The following NDUFAF7 variants were observed in gnomAD, a reference collection of about 807,000 sequenced individuals.
NDUFAF7 encodes the protein NADH:ubiquinone oxidoreductase complex assembly factor 7, also known as protein arginine methyltransferase NDUFAF7, mitochondrial.
In NDUFAF7, 48 loss-of-function variants were observed where a neutral mutation model predicts 47.2. The observed-to-expected ratio is 1.02, with a 90% CI of 0.81 to 1.29. The LOEUF is 1.29. NDUFAF7 is among the 50% of genes most tolerant of loss of function. The pLI, the probability that NDUFAF7 is intolerant of heterozygous loss-of-function variation, is 0.00. For synonymous variants in NDUFAF7, 217 were observed against 190.0 expected (o/e 1.14, Z -1.17); for missense variants, 635 against 537.6 (o/e 1.18, Z -1.79).
At chr2:37,243,322 G>A (rs1453082926) in intron 6 of NDUFAF7, among the ~76,000 whole-genome samples, 1 of 152,110 alleles carries the variant, frequency 6.6e-6, no homozygotes, top group African/African-American at 2.4e-5. Context: ...TTGGTGGCAC[G>A]TGCCTGTACT....
At chr2:37,268,503 A>G in the NDUFAF7 span, 1 of 356,354 alleles carries the variant, frequency 2.8e-6, no homozygotes, top group Non-Finnish European at 5.5e-6. Flanking sequence ...CAACGCTCCA[A>G]TAAAGTTCAG....
At chr2:37,239,676 C>T (rs150913320) in intron 4 of NDUFAF7, among the ~76,000 whole-genome samples, 24 of 152,162 alleles carry the variant, frequency 1.6e-4, no homozygotes, top group Admixed American at 4.6e-4. Flanking sequence ...TGCAAGAATG[C>T]GTGAAATCAC....
At chr2:37,254,348 G>A, downstream of NDUFAF7, 3 of 1,338,830 alleles carry the variant, frequency 2.2e-6, no homozygotes, top group East Asian at 2.3e-5. Flanking sequence ...CCCCAAACTT[G>A]TGACTGCCTA....
At chr2:37,269,851 A>G in the NDUFAF7 span, among the ~76,000 whole-genome samples, 3 of 152,218 alleles carry the variant, frequency 2.0e-5, no homozygotes, top group South Asian at 2.1e-4. Context: ...CTATGTTCTA[A>G]TAAGAGGTTA....
chr2:37,251,085 G>A (rs1028985361), downstream of NDUFAF7: 1 of 152,700 alleles, frequency 6.5e-6, no homozygotes, highest in Non-Finnish European at 1.5e-5. Context: ...TAAAACCACA[G>A]TAGATTGATT....
the NDUFAF7 span, chr2:37,260,149 G>T: frequency 6.7e-6 from 9 of 1,342,840 alleles, no homozygotes; most frequent in Non-Finnish European, 9.2e-6. Context: ...AGGTGACAGA[G>T]TAAGACTCTT....
In NDUFAF7 at chr2:37,248,964, C is replaced by T. The variant is rs187079968; in HGVS notation, c.*614C>T. 90 of 153,980 alleles carry T rather than the reference C, an allele frequency of 5.8e-4. No individual in the cohort carries two copies. The highest frequency in any genetic ancestry group is 5.4e-3 in the Admixed American group (86 of 15,800). 9.5% of individuals were successfully genotyped at this position (153,980 alleles called of 1,614,324 possible). A position where few individuals can be genotyped will look rare whatever the true frequency, so the allele number is the denominator to read the frequency against. On this transcript the variant is annotated 3_prime_UTR_variant, in exon 10 of 10. Coordinates refer to ENST00000002125, the MANE Select transcript of NDUFAF7 (RefSeq NM_144736.5). ...TGATTGTTTTAATAAAAATGGGAAACAGACTAAATGGCTATTCACAGGAAA... is the reference window on the plus strand; with the variant it reads ...TGATTGTTTTAATAAAAATGGGAAATAGACTAAATGGCTATTCACAGGAAA...
intron 2 of NDUFAF7, among the ~76,000 whole-genome samples, chr2:37,232,934 T>G (rs1259661768): frequency 6.6e-6 from 1 of 152,220 alleles, no homozygotes; most frequent in East Asian, 1.9e-4. Context: ...CTCTGTGGAA[T>G]TCTGGGGTTA....
chr2:37,257,071 T>C, downstream of NDUFAF7: 1 of 975,874 alleles, frequency 1.0e-6, no homozygotes. Context: ...ATAAGGAAAT[T>C]GTAAAATATC....
At chr2:37,236,211 A>G (rs1327164287) in intron 3 of NDUFAF7, 35 bp downstream of exon 3, 1 of 1,493,718 alleles carries the variant, frequency 6.7e-7, no homozygotes. Context: ...TGAAGCTAAT[A>G]TAAACATTTG....
chr2:37,256,963 A>G (rs751210791), downstream of NDUFAF7: 6 of 1,608,736 alleles, frequency 3.7e-6, no homozygotes, highest in Non-Finnish European at 5.1e-6. Context: ...ATTTTGTATT[A>G]TAGTGTTATA....
chr2:37,256,085 G>A (rs773862256), downstream of NDUFAF7, among the ~76,000 whole-genome samples: 1 of 152,092 alleles, frequency 6.6e-6, no homozygotes, highest in Non-Finnish European at 1.5e-5. Flanking sequence ...TAGAGGAGTA[G>A]TCAGGGAACT....
downstream of NDUFAF7, among the ~76,000 whole-genome samples, chr2:37,249,545 C>G (rs56059847): frequency 0.15 from 21,149 of 140,440 alleles, 1,827 homozygotes; most frequent in South Asian, 0.3. Flanking sequence ...CCGTTGCACT[C>G]TAGCCTGTGA....
At chr2:37,259,554 C>A in the NDUFAF7 span, 27 of 1,536,558 alleles carry the variant, frequency 1.8e-5, no homozygotes, top group Non-Finnish European at 2.2e-5. Context: ...TTGCCAGAAT[C>A]ATTTAAAAGG....
chr2:37,237,556 A>G (rs1196143028), intron 3 of NDUFAF7, among the ~76,000 whole-genome samples: 1 of 152,150 alleles, frequency 6.6e-6, no homozygotes, highest in Admixed American at 6.5e-5. Flanking sequence ...TTTCCTATTA[A>G]TCTTCCTAAA....
intron 4 of NDUFAF7, among the ~76,000 whole-genome samples, chr2:37,239,190 C>G (rs1257827117): frequency 2.0e-5 from 3 of 148,724 alleles, no homozygotes; most frequent in Middle Eastern, 3.5e-3. Flanking sequence ...ACGATCTTGG[C>G]TCACTGCAAC....
chr2:37,253,495 A>G (rs190276719), downstream of NDUFAF7: 19 of 540,816 alleles, frequency 3.5e-5, no homozygotes, highest in African/African-American at 3.1e-4. Context: ...ACTATGTACT[A>G]AGTTCTACTT....
At chr2:37,236,757 G>A (rs544219129) in intron 3 of NDUFAF7, among the ~76,000 whole-genome samples, 2 of 150,360 alleles carry the variant, frequency 1.3e-5, no homozygotes, top group African/African-American at 2.4e-5. Context: ...CTCCAGCCTC[G>A]GCGACTGAGC....
chr2:37,237,835 G>A lies in NDUFAF7; in HGVS notation c.376G>A (p.Gly126Ser), dbSNP rs751024038. The A allele has an allele frequency of 3.1e-6, 5 of 1,613,096 alleles. No individual in the cohort carries two copies. The highest frequency in any genetic ancestry group is 4.2e-6 in the Non-Finnish European group (5 of 1,179,138). The change falls in exon 4 of 10, where the codon GGT (glycine) becomes AGT (serine). Residue 126 changes from glycine (G) to serine (S), a missense_variant. Physicochemically the swap from Gly to Ser is moderately conservative, Grantham distance 56. Transcript: ENST00000002125. ...TTTCCAGCTGGTGGAACTGGGCCCA[G>A]GTAGGGGAACCCTCGTGGGAGATAT... is the stretch of plus-strand genomic sequence containing the variant. The part of the protein sequence containing the change: ...TAFQLVELGP[G>S]RGTLVGDILR...
Sources: gnomAD v4.1 joint callset for allele counts (sites outside exome capture counted in the v4.1 genomes callset) on GRCh38, gnomAD v4.1.1 for gene constraint, MANE v1.5 for transcripts, NCBI Gene and HGNC (gene_info 2026-07-23, HGNC 2026-07-21) for gene names.